MAGI2: variants seen among roughly 807,000 people sequenced by gnomAD.
The protein encoded by MAGI2 is membrane associated guanylate kinase, WW and PDZ domain containing 2, also known as membrane-associated guanylate kinase, WW and PDZ domain-containing protein 2.
Under a neutral mutation model 133.3 loss-of-function variants are expected in MAGI2, and 35 were observed. That is an observed-to-expected ratio of 0.26 (90% CI 0.20 to 0.35). The LOEUF is 0.35. Ranked by LOEUF, MAGI2 falls within the 10% of genes least tolerant of loss-of-function variation. MAGI2 has a pLI of 1.00. For missense variants in MAGI2, 1,636 were observed against 1,863.4 expected (o/e 0.88, Z 2.25); for synonymous variants, 729 against 710.6 (o/e 1.03, Z -0.41).
chr7:78,249,952 A>T (rs1228344990), intron 10 of MAGI2, among the ~76,000 whole-genome samples: 1 of 152,068 alleles, frequency 6.6e-6, no homozygotes, highest in Non-Finnish European at 1.5e-5. Flanking sequence ...AACATCATAT[A>T]CCCCATAAAT....
intron 1 of MAGI2, among the ~76,000 whole-genome samples, chr7:79,030,013 G>A (rs188777170): frequency 2.6e-5 from 4 of 152,224 alleles, no homozygotes; most frequent in East Asian, 1.9e-4. Context: ...ATTAGCCTCC[G>A]CATTCAACGC....
intron 10 of MAGI2, among the ~76,000 whole-genome samples, chr7:78,235,374 T>G (rs1366149339): frequency 6.6e-6 from 1 of 152,078 alleles, no homozygotes; most frequent in African/African-American, 2.4e-5. Flanking sequence ...GTAAACAAAC[T>G]GTTTGATGTG....
At chr7:79,164,659 C>T (rs906648603) in intron 1 of MAGI2, among the ~76,000 whole-genome samples, 1 of 152,024 alleles carries the variant, frequency 6.6e-6, no homozygotes, top group Non-Finnish European at 1.5e-5. Context: ...AACCAGTTGT[C>T]AACCAGAAAA....
chr7:78,773,956 C>T (rs1259510876), intron 2 of MAGI2, among the ~76,000 whole-genome samples: 1 of 152,148 alleles, frequency 6.6e-6, no homozygotes, highest in African/African-American at 2.4e-5. Flanking sequence ...ATAAGAATTA[C>T]CTGCAAGTTA....
intron 3 of MAGI2, among the ~76,000 whole-genome samples, chr7:78,536,275 G>A (rs1281945943): frequency 6.7e-6 from 1 of 149,602 alleles, no homozygotes; most frequent in Non-Finnish European, 1.5e-5. Flanking sequence ...ACTACGCCCG[G>A]CTAATTTTTT....
At chr7:78,998,194 C>G (rs1236745428) in intron 2 of MAGI2, among the ~76,000 whole-genome samples, 1 of 152,164 alleles carries the variant, frequency 6.6e-6, no homozygotes, top group African/African-American at 2.4e-5. Flanking sequence ...AAACGCACCT[C>G]TTTATGGTTT....
rs149835783 is a variant in MAGI2 at position 78,240,920 on chromosome 7, A to C, written c.2047+15023T>G. 7.7e-4 allele frequency among the ~76,000 whole-genome samples: 117 copies of C among 152,234 alleles called. 1 individual carries two copies. In the East Asian group the frequency reaches 0.018, roughly 23 times the overall value. On this transcript the variant is annotated intron_variant, in intron 10 of 21. Transcript: ENST00000354212. ...CATATAATTTTATGTCAATTTTAAAAATAAATTTGGAAAAAAAAGAACTGT... is the reference window on the plus strand; with the variant it reads ...CATATAATTTTATGTCAATTTTAAACATAAATTTGGAAAAAAAAGAACTGT...
At chr7:79,135,388 A>G (rs1019121595) in intron 1 of MAGI2, among the ~76,000 whole-genome samples, 2 of 152,234 alleles carry the variant, frequency 1.3e-5, no homozygotes, top group African/African-American at 4.8e-5. Flanking sequence ...CCATCTTATC[A>G]AAGGAAGAAA....
chr7:79,170,476 A>G (rs1413254764), intron 1 of MAGI2, among the ~76,000 whole-genome samples: 2 of 152,042 alleles, frequency 1.3e-5, no homozygotes, highest in African/African-American at 4.8e-5. Flanking sequence ...GCGCCCAGCC[A>G]AAATACTATA....
At chr7:78,313,402 G>T (rs1005452078) in intron 9 of MAGI2, among the ~76,000 whole-genome samples, 1 of 151,990 alleles carries the variant, frequency 6.6e-6, no homozygotes, top group African/African-American at 2.4e-5. Flanking sequence ...GTACTGGAAA[G>T]TGAAACAAAG....
At chr7:78,213,890 G>A (rs34111509) in intron 10 of MAGI2, among the ~76,000 whole-genome samples, 22,228 of 152,064 alleles carry the variant, frequency 0.15, 2,209 homozygotes, top group Middle Eastern at 0.26. Flanking sequence ...CCTTCCTCTG[G>A]TAACTCAGGC....
At chr7:78,669,967 A>G (rs1814151664) in intron 2 of MAGI2, among the ~76,000 whole-genome samples, 1 of 151,682 alleles carries the variant, frequency 6.6e-6, no homozygotes, top group African/African-American at 2.4e-5. Flanking sequence ...CCAATATCAT[A>G]CTGAATGGGC....
intron 2 of MAGI2, among the ~76,000 whole-genome samples, chr7:78,992,093 T>C (rs1365302038): frequency 1.3e-5 from 2 of 152,126 alleles, no homozygotes; most frequent in African/African-American, 4.8e-5. Flanking sequence ...CTGGTCATTA[T>C]TGTTAAACAA....
At chr7:78,338,183 A>G (rs1301493880) in intron 9 of MAGI2, among the ~76,000 whole-genome samples, 5 of 152,148 alleles carry the variant, frequency 3.3e-5, no homozygotes, top group Non-Finnish European at 7.4e-5. Flanking sequence ...TTTACCACTT[A>G]TGATGATCAT....
Position 78,557,080 on chromosome 7 carries a change from C to CAAAAAAAAAAAAAAAAAAAAAAAAA in MAGI2, c.539-35436_539-35435insTTTTTTTTTTTTTTTTTTTTTTTTT, listed in dbSNP as rs796371005. Among the ~76,000 whole-genome samples, 25 of 40,906 alleles carry CAAAAAAAAAAAAAAAAAAAAAAAAA rather than the reference C, an allele frequency of 6.1e-4. 1 individual carries two copies. The highest frequency in any genetic ancestry group is 1.6e-3 in the African/African-American group (14 of 8,620). The allele number at this position is 40,906 out of a possible 152,430, so 26.8% of individuals were successfully genotyped here. ...TACTCCAGCCTGGGTGGCAGAGTCTCAAAAAAAAAAAAAAAAAAAAGAAAA... is the reference window on the plus strand; with the variant it reads ...TACTCCAGCCTGGGTGGCAGAGTCTCAAAAAAAAAAAAAAAAAAAAAAAAAAAAAAAAAAAAAAAAAAAAAGAAAA... On this transcript the variant is annotated intron_variant, in intron 3 of 21. Transcript: ENST00000354212.
chr7:78,398,597 A>G (rs187384441), intron 6 of MAGI2, among the ~76,000 whole-genome samples: 3 of 152,190 alleles, frequency 2.0e-5, no homozygotes, highest in African/African-American at 7.2e-5. Flanking sequence ...CTTTTGAGAT[A>G]TAAATCTTCT....
chr7:78,916,001 A>G (rs891024143), intron 2 of MAGI2, among the ~76,000 whole-genome samples: 1 of 152,076 alleles, frequency 6.6e-6, no homozygotes, highest in African/African-American at 2.4e-5. Flanking sequence ...TTATTGTAAC[A>G]TACGTTTTTA....
chr7:78,047,717 C>G (rs919361986), intron 21 of MAGI2, among the ~76,000 whole-genome samples: 7 of 152,224 alleles, frequency 4.6e-5, no homozygotes, highest in African/African-American at 1.7e-4. Flanking sequence ...TCTGACTGCC[C>G]GCTCTGTCTT....
chr7:78,567,227 T>A (rs1351777605), intron 3 of MAGI2, among the ~76,000 whole-genome samples: 18 of 152,186 alleles, frequency 1.2e-4, no homozygotes, highest in Non-Finnish European at 1.5e-5. Flanking sequence ...TCTCCTCTTA[T>A]TTACCATTTC....
Sources: allele counts gnomAD v4.1 joint callset (sites outside exome capture counted in the v4.1 genomes callset), GRCh38; gene constraint gnomAD v4.1.1; transcripts MANE v1.5; gene names NCBI Gene and HGNC (gene_info 2026-07-23, HGNC 2026-07-21).